The following COL9A1 variants were observed in gnomAD, a reference collection of about 807,000 sequenced individuals.
COL9A1 encodes the protein collagen alpha-1(IX) chain.
A neutral mutation model predicts 142.6 loss-of-function variants in COL9A1; 104 were observed. That is an observed-to-expected ratio of 0.73 (90% CI 0.62 to 0.86). COL9A1 has a LOEUF of 0.86. COL9A1 is among the 40% of genes least tolerant of loss of function. The probability of loss-of-function intolerance (pLI) is 0.00; values close to 1 mark genes in which losing one functional copy is unlikely to be tolerated. For synonymous variants in COL9A1, 466 were observed against 396.0 expected, an observed-to-expected ratio of 1.18 and a Z score of -2.10; for missense variants, 1,210 against 1,176.6, an observed-to-expected ratio of 1.03 and a Z score of -0.42.
At chr6:70,255,264 G>A in intron 22 of COL9A1, 61 bp from the exon 23 acceptor site, 1 of 1,610,508 alleles carries the variant, frequency 6.2e-7, no homozygotes, top group Admixed American at 1.7e-5. Flanking sequence ...ACTTAGACTT[G>A]TCAAAGAGAT....
chr6:70,301,470 C>T (rs1187453658), intron 2 of COL9A1, among the ~76,000 whole-genome samples: 3 of 151,924 alleles, frequency 2.0e-5, no homozygotes, highest in East Asian at 1.9e-4. Flanking sequence ...CCAGCTACTT[C>T]GGAGGCTGAG....
intron 33 of COL9A1, among the ~76,000 whole-genome samples, chr6:70,237,186 A>T (rs1038139849): frequency 1.3e-5 from 2 of 152,184 alleles, no homozygotes; most frequent in African/African-American, 4.8e-5. Context: ...TGAAGAACTG[A>T]CAGAAAACAA....
chr6:70,227,461 A>C (rs1769305049), intron 36 of COL9A1, among the ~76,000 whole-genome samples: 1 of 145,566 alleles, frequency 6.9e-6, no homozygotes, highest in Non-Finnish European at 1.5e-5. Flanking sequence ...ATGCTATTTT[A>C]ACCTATAAGA....
intron 21 of COL9A1, among the ~76,000 whole-genome samples, chr6:70,255,603 C>A (rs1365061680): frequency 6.6e-6 from 1 of 152,120 alleles, no homozygotes; most frequent in Non-Finnish European, 1.5e-5. Context: ...ACTTGATGGT[C>A]TTTTGTTTTC....
intron 6 of COL9A1, chr6:70,283,211 T>C (rs1197334303): frequency 2.1e-6 from 3 of 1,463,040 alleles, no homozygotes; most frequent in East Asian, 2.5e-5. Flanking sequence ...AGGCGCGCGT[T>C]CCCCCTGTTT....
chr6:70,300,012 T>C lies in COL9A1; in HGVS notation c.299+31A>G, dbSNP rs767911791. ...CCATTTTTAATGCATTTGAGTCAGA[T>C]AATTAGATTAAAATATTTTTGATAG... On this transcript the variant is annotated intron_variant, in intron 4 of 37. Coordinates refer to ENST00000357250, the MANE Select transcript of COL9A1 (RefSeq NM_001851.6). 7 of 1,600,884 alleles carry C rather than the reference T, an allele frequency of 4.4e-6. No individual in the cohort carries two copies. The East Asian group carries it at 1.6e-4, about 36-fold the overall frequency.
chr6:70,271,632 T>C (rs1772406584), intron 14 of COL9A1, 23 bp downstream of exon 14: 1 of 1,610,910 alleles, frequency 6.2e-7, no homozygotes, highest in Non-Finnish European at 8.5e-7. Context: ...CAAACGTCTA[T>C]CAAAGTGCAC....
intron 19 of COL9A1, among the ~76,000 whole-genome samples, chr6:70,262,029 C>T (rs931721869): frequency 7.2e-5 from 11 of 152,128 alleles, no homozygotes; most frequent in Non-Finnish European, 4.4e-5. Flanking sequence ...CCACGCAGTA[C>T]CCAACATAGA....
At chr6:70,263,154 T>C in intron 19 of COL9A1, 90 bp downstream of exon 19, 2 of 1,055,786 alleles carry the variant, frequency 1.9e-6, no homozygotes, top group African/African-American at 1.6e-5. Context: ...ATGCTATTCA[T>C]CCAACTGCTA....
chr6:70,253,276 G>C, intron 26 of COL9A1, 109 bp downstream of exon 26: 1 of 759,650 alleles, frequency 1.3e-6, no homozygotes, highest in Non-Finnish European at 2.2e-6. Context: ...TTCTCCCTAG[G>C]GCCAAATATA....
rs777003491 is a variant in COL9A1 at position 70,294,518 on chromosome 6, C to T, written c.345G>A (p.Thr115=). Residue 115 remains threonine, a synonymous_variant, in exon 5 of 38, where the codon ACG becomes ACA. Coordinates refer to ENST00000357250, the MANE Select transcript of COL9A1 (RefSeq NM_001851.6). ...GAGTGCTTCCAGTCATTCGAAACGT[C>T]GTCAAGAAGGAGTATTCTTCAGGCA... ...SGLPEEYSFL[T]TFRMTGSTLK... The T allele has an allele frequency of 1.2e-5, 20 of 1,613,894 alleles. No individual in the cohort carries two copies. In the South Asian group the frequency reaches 1.3e-4, roughly 11 times the overall value.
At chr6:70,259,552 C>G (rs563925802) in intron 20 of COL9A1, among the ~76,000 whole-genome samples, 11 of 152,118 alleles carry the variant, frequency 7.2e-5, no homozygotes, top group African/African-American at 2.2e-4. Flanking sequence ...CTCAGCTAAA[C>G]ATAGCCTGTC....
chr6:70,255,374 C>T lies in COL9A1; in HGVS notation c.1520G>A (p.Arg507Gln), dbSNP rs777963373. ...GGGACCTGCTTCTCCTGGAGGTCCT[C>T]GCTGTCCTTGATCACCCTGTATGAA... is the stretch of plus-strand genomic sequence containing the variant. ...LPGAPGDQGQ[R>Q]GPPGEAGPKG... is the part of the protein sequence containing the mutation. Residue 507 changes from arginine to glutamine, a missense_variant, in exon 22 of 38, where the codon CGA becomes CAA. Coordinates refer to ENST00000357250, the MANE Select transcript of COL9A1 (RefSeq NM_001851.6). 1.2e-6 allele frequency: 2 copies of T among 1,614,104 alleles called. No individual in the cohort carries two copies. The highest frequency in any genetic ancestry group is 2.2e-5 in the East Asian group (1 of 44,888).
chr6:70,235,095 G>A (rs566562098), intron 33 of COL9A1, among the ~76,000 whole-genome samples, 155 bp from the exon 34 acceptor site: 43 of 152,356 alleles, frequency 2.8e-4, no homozygotes, highest in African/African-American at 9.9e-4. Flanking sequence ...ACTGCAAGGT[G>A]AAGACACATA....
chr6:70,283,192 A>G (rs1048366334), intron 6 of COL9A1: 9 of 1,473,492 alleles, frequency 6.1e-6, no homozygotes, highest in Admixed American at 4.8e-5. Flanking sequence ...CAAAGCGTCC[A>G]GGCCCGGGAG....
At chr6:70,234,306 A>C (rs1769752302) in intron 35 of COL9A1, among the ~76,000 whole-genome samples, 1 of 140,318 alleles carries the variant, frequency 7.1e-6, no homozygotes. Context: ...AAACAAAACA[A>C]AAAAAAGGCA....
intron 36 of COL9A1, among the ~76,000 whole-genome samples, chr6:70,227,388 C>T (rs1450506172): frequency 5.4e-5 from 7 of 129,168 alleles, no homozygotes. Flanking sequence ...GAAAAATTCC[C>T]TGACTTCACT....
intron 21 of COL9A1, 67 bp downstream of exon 21, chr6:70,256,701 C>T: frequency 7.6e-7 from 1 of 1,312,350 alleles, no homozygotes; most frequent in Non-Finnish European, 1.1e-6. Flanking sequence ...CAATACTGCA[C>T]ACACATGCAT....
chr6:70,294,485 C>T lies in COL9A1; in HGVS notation c.378G>A (p.Lys126=), dbSNP rs1323944669. 2 of 1,613,970 alleles carry T rather than the reference C, an allele frequency of 1.2e-6. No homozygotes were observed. The highest frequency in any genetic ancestry group is 1.7e-5 in the Admixed American group (1 of 60,000). Residue 126 remains lysine (K), a synonymous_variant, in exon 5 of 38, where the codon AAG becomes AAA. Coordinates refer to ENST00000357250, the MANE Select transcript of COL9A1 (RefSeq NM_001851.6). ...TFRMTGSTLK[K]NWNIWQIQDS... Reference sequence around the variant, plus strand: ...CCTGAATCTGCCAAATGTTCCAGTTCTTTTTGAGAGTGCTTCCAGTCATTC... The same window carrying T: ...CCTGAATCTGCCAAATGTTCCAGTTTTTTTTGAGAGTGCTTCCAGTCATTC...
Sources: gnomAD v4.1 joint callset for allele counts (sites outside exome capture counted in the v4.1 genomes callset) on GRCh38, gnomAD v4.1.1 for gene constraint, MANE v1.5 for transcripts, NCBI Gene and HGNC (gene_info 2026-07-23, HGNC 2026-07-21) for gene names.